The following AARS2 variants were observed in gnomAD, a reference collection of about 807,000 sequenced individuals.
AARS2 encodes the protein alanine--tRNA ligase, mitochondrial.
A neutral mutation model predicts 119.7 loss-of-function variants in AARS2; 78 were observed. The ratio of observed to expected loss-of-function variants is 0.65; its 90% confidence interval spans 0.54 to 0.79. The LOEUF is 0.79. AARS2 is among the 30% of genes least tolerant of loss of function. AARS2 has a pLI of 0.00. For missense variants in AARS2, 1,157 were observed against 1,291.3 expected (o/e 0.90, Z 1.59); for synonymous variants, 502 against 526.3 (o/e 0.95, Z 0.63).
chr6:44,309,362 C>G (rs1416603752), intron 5 of AARS2, among the ~76,000 whole-genome samples: 1 of 152,204 alleles, frequency 6.6e-6, no homozygotes, highest in African/African-American at 2.4e-5. Context: ...AATGAGCCAG[C>G]TAAGCCCAGC....
intron 19 of AARS2, 36 bp downstream of exon 19, chr6:44,302,024 C>T (rs777709856): frequency 1.1e-5 from 18 of 1,605,686 alleles, no homozygotes; most frequent in Non-Finnish European, 1.4e-5. Context: ...GCTGGAGTGT[C>T]TCTGGGCACA....
At chr6:44,303,486 G>GC in intron 14 of AARS2, 63 bp from the exon 15 acceptor site, 1 of 1,610,384 alleles carries the variant, frequency 6.2e-7, no homozygotes, top group Non-Finnish European at 8.5e-7. Context: ...TCTAACTGAT[G>GC]CATTGAAACA....
chr6:44,302,295 C>T, intron 18 of AARS2, 96 bp downstream of exon 18: 1 of 1,612,242 alleles, frequency 6.2e-7, no homozygotes, highest in Non-Finnish European at 8.5e-7. Flanking sequence ...GGAGCCCAAC[C>T]CAATTGGAGT....
At position 44,313,235 on chromosome 6, in the gene AARS2, A is replaced by G. The variant is rs930548116; in HGVS notation, c.89T>C (p.Leu30Pro). The change falls in exon 1 of 22, where the codon CTC becomes CCC. Residue 30 changes from leucine to proline, a missense_variant. Leu to Pro is a moderately conservative substitution (Grantham distance 98, BLOSUM62 -3). Coordinates refer to ENST00000244571, the MANE Select transcript of AARS2 (RefSeq NM_020745.4). ...CTTGGCTGCAGGGGGCTCCGATGAG[A>G]GCGGCCGATGGCTGAGGCCCCGCCA... ...PAWRGLSHRP[L>P]SSEPPAAKAS... 1 of 1,591,676 alleles carries G rather than the reference A, an allele frequency of 6.3e-7. No individual in the cohort carries two copies. The highest frequency in any genetic ancestry group is 8.5e-7 in the Non-Finnish European group (1 of 1,173,534).
At chr6:44,310,645 T>G (rs1786273014) in intron 4 of AARS2, among the ~76,000 whole-genome samples, 1 of 152,218 alleles carries the variant, frequency 6.6e-6, no homozygotes, top group Non-Finnish European at 1.5e-5. Context: ...TAGGGCTATT[T>G]CCATTCTCAC....
At position 44,307,667 on chromosome 6, in the gene AARS2, C is replaced by T. The variant is rs2153355602; in HGVS notation, c.895-273G>A. ...GGTGAGTACTTGAACAACATGGCCT[C>T]GAATCCCCAAAACAGCCCATTCCAG... On this transcript the variant is annotated intron_variant, in intron 5 of 21. Coordinates refer to ENST00000244571, the MANE Select transcript of AARS2 (RefSeq NM_020745.4). This position sits in a 1 kb window ranked among gnomAD's most constrained non-coding sequence, Gnocchi z 4.4. 5.6e-6 allele frequency: 3 copies of T among 536,994 alleles called. No homozygotes were observed. Among genetic ancestry groups the T allele is most frequent in the South Asian group, 2.2e-5 (1 of 44,482 alleles). The allele number at this position is 536,994 out of a possible 1,614,324, so 33.3% of individuals were successfully genotyped here.
chr6:44,304,097 C>CT lies in AARS2; in HGVS notation c.2007+83dup, dbSNP rs890938780. The CT allele has an allele frequency of 9.4e-6, 15 of 1,599,814 alleles. No individual in the cohort carries two copies. The African/African-American group carries it at 1.6e-4, about 17-fold the overall frequency. On this transcript the variant is annotated intron_variant, in intron 14 of 21. Coordinates refer to ENST00000244571, the MANE Select transcript of AARS2 (RefSeq NM_020745.4). Reference sequence around the variant, plus strand: ...CGTGCTGGGCCTAGAGCCCAGGACTCTAAGGGCAACCCGCTCACAGCAGGC... The same window carrying CT: ...CGTGCTGGGCCTAGAGCCCAGGACTCTTAAGGGCAACCCGCTCACAGCAGGC...
At position 44,307,577 on chromosome 6, in the gene AARS2, C is replaced by G; in HGVS notation, c.895-183G>C. The G allele has an allele frequency of 1.4e-6, 1 of 717,256 alleles. No homozygotes were observed. Among genetic ancestry groups the G allele is most frequent in the Non-Finnish European group, 2.3e-6 (1 of 435,712 alleles). The allele number at this position is 717,256 out of a possible 1,614,324, so 44.4% of individuals were successfully genotyped here. A position where few individuals can be genotyped will look rare whatever the true frequency, so the allele number is the denominator to read the frequency against. On this transcript the variant is annotated intron_variant, in intron 5 of 21. Coordinates refer to ENST00000244571, the MANE Select transcript of AARS2 (RefSeq NM_020745.4). This position sits in a 1 kb window ranked among gnomAD's most constrained non-coding sequence, Gnocchi z 4.4. ...CAAGCCAGGCCCTGCCCTCACGGGG[C>G]TCATATTTGGTGCTACAAGTGAACA...
chr6:44,308,455 C>T (rs1786055059), intron 5 of AARS2, among the ~76,000 whole-genome samples: 1 of 151,752 alleles, frequency 6.6e-6, no homozygotes, highest in Non-Finnish European at 1.5e-5. Context: ...ACGAGAATTG[C>T]TTGAGCCCCG....
At chr6:44,302,681 A>G (rs776975329) in intron 17 of AARS2, 121 bp downstream of exon 17, 1 of 1,437,900 alleles carries the variant, frequency 7.0e-7, no homozygotes, top group Admixed American at 1.9e-5. Flanking sequence ...ATATGGCCAC[A>G]TTGGTGTCCA....
chr6:44,312,166 TG>T lies in AARS2; in HGVS notation c.340del (p.His114ThrfsTer43). 6.2e-7 allele frequency: 1 copy of T among 1,614,258 alleles called. No homozygotes were observed. Among genetic ancestry groups the T allele is most frequent in the African/African-American group, 1.3e-5 (1 of 75,060 alleles). On this transcript the variant is annotated frameshift_variant, in exon 2 of 22. Coordinates refer to ENST00000244571, the MANE Select transcript of AARS2 (RefSeq NM_020745.4). LOFTEE classifies it high-confidence loss of function. ...NSQKCVRAGG[H>X]HNDLEDVGRD... ...ACCCACATCTTCCAGGTCGTTATGGTGTCCTCCAGCTCTCACACATTTCTGG... is the reference window on the plus strand; with the variant it reads ...ACCCACATCTTCCAGGTCGTTATGGTTCCTCCAGCTCTCACACATTTCTGG...
At chr6:44,309,429 G>A (rs1786163290) in intron 5 of AARS2, among the ~76,000 whole-genome samples, 1 of 152,350 alleles carries the variant, frequency 6.6e-6, no homozygotes, top group Non-Finnish European at 1.5e-5. Flanking sequence ...TTAAGCCACA[G>A]AGCATTAGGG....
Position 44,302,504 on chromosome 6 carries a change from G to C in AARS2, c.2374C>G (p.Leu792Val). The C allele has an allele frequency of 6.2e-7, 1 of 1,614,122 alleles. No homozygotes were observed. The highest frequency in any genetic ancestry group is 8.5e-7 in the Non-Finnish European group (1 of 1,180,038). ...TGEQAQQARE[L>V]GQSLAQEVKA... ...ACTTCCTGGGCCAGGCTCTGGCCTA[G>C]CTCTCGGGCCTGCAGGGAGGGGACA... is the stretch of plus-strand genomic sequence containing the variant. The change falls in exon 18 of 22, where the codon CTA becomes GTA. Residue 792 changes from leucine to valine, a missense_variant. Leu to Val is a conservative substitution (Grantham distance 32). Transcript: ENST00000244571.
At position 44,305,809 on chromosome 6, in the gene AARS2, A is replaced by C. The variant is rs324137; in HGVS notation, c.1301-23T>G. 0.54 allele frequency: 876,039 copies of C among 1,612,174 alleles called. 241,822 individuals carry two copies. The highest frequency in any genetic ancestry group is 0.63 in the Admixed American group (37,758 of 59,992). ...CAGCTTTGAGAAAGAAAGACAAAGAATGTTGAGGAGGGGAGGGATTAGACA... is the reference window on the plus strand; with the variant it reads ...CAGCTTTGAGAAAGAAAGACAAAGACTGTTGAGGAGGGGAGGGATTAGACA... On this transcript the variant is annotated intron_variant, in intron 9 of 21. Transcript: ENST00000244571. This position sits in a 1 kb window ranked among gnomAD's most constrained non-coding sequence, Gnocchi z 4.6.
intron 19 of AARS2, among the ~76,000 whole-genome samples, chr6:44,301,713 C>T (rs187002794): frequency 3.3e-5 from 5 of 152,204 alleles, no homozygotes; most frequent in African/African-American, 9.6e-5. Context: ...ACAAATAGGT[C>T]GCTGAAGGTG....
At chr6:44,311,684 A>C in intron 2 of AARS2, 149 bp from the exon 3 acceptor site, 1 of 1,017,154 alleles carries the variant, frequency 9.8e-7, no homozygotes, top group East Asian at 2.6e-5. Flanking sequence ...ATGAACCATT[A>C]CTGCCTCTGA....
chr6:44,304,233 T>G lies in AARS2; in HGVS notation c.1955A>C (p.Gln652Pro). The G allele has an allele frequency of 6.2e-7, 1 of 1,614,120 alleles. No homozygotes were observed. The highest frequency in any genetic ancestry group is 2.2e-5 in the East Asian group (1 of 44,882). ...LRQTLGPGTE[Q>P]QGSHLNPEQL... ...CTCAGGATTGAGATGGGAGCCCTGC[T>G]GCTCTGTGCCAGGGCCCAGGGTCTG... The change falls in exon 14 of 22, where the codon CAG becomes CCG. Residue 652 changes from glutamine to proline, a missense_variant. By Grantham distance (76) the Gln-to-Pro change is moderately conservative (BLOSUM62 -1). Coordinates refer to ENST00000244571, the MANE Select transcript of AARS2 (RefSeq NM_020745.4).
At position 44,311,501 on chromosome 6, in the gene AARS2, G is replaced by A. The variant is rs562357217; in HGVS notation, c.470C>T (p.Thr157Ile). 4.6e-5 allele frequency: 75 copies of A among 1,614,058 alleles called. No individual in the cohort carries two copies. The highest frequency in any genetic ancestry group is 6.1e-5 in the Non-Finnish European group (72 of 1,180,016). The change falls in exon 3 of 22, where the codon ACT (threonine) becomes ATT (isoleucine). Residue 157 changes from threonine (T) to isoleucine (I), a missense_variant. Transcript: ENST00000244571. ...EACNMAWELL[T>I]QVYGIPEERL... ...TTCCTCAGGGATCCCATAGACCTGA[G>A]TCAGCAGTTCCCAGGCCATGTTACA...
In AARS2 at chr6:44,304,547, G is replaced by C. The variant is rs74950428; in HGVS notation, c.1753-14C>G. 75,260 of 1,614,066 alleles carry C rather than the reference G, an allele frequency of 0.047. 2,624 individuals carry two copies. Among genetic ancestry groups the C allele is most frequent in the East Asian group, 0.2 (9,078 of 44,880 alleles). On this transcript the variant is annotated splice_polypyrimidine_tract_variant and intron_variant, in intron 12 of 21. Coordinates refer to ENST00000244571, the MANE Select transcript of AARS2 (RefSeq NM_020745.4). ...GAACAGCACGTCCTGAGGGAGGGTA[G>C]TGGTCAAGGTGCCTGTAGCCTTTCC...
Sources: allele counts gnomAD v4.1 joint callset (sites outside exome capture counted in the v4.1 genomes callset), GRCh38; gene constraint gnomAD v4.1.1; non-coding constraint Gnocchi (gnomAD v3.1); transcripts MANE v1.5; gene names NCBI Gene and HGNC (gene_info 2026-07-23, HGNC 2026-07-21).